Variants in GCN1 observed in about 807,000 individuals in gnomAD.
GCN1 encodes the protein GCN1 activator of EIF2AK4.
GCN1 carries 90 observed loss-of-function variants against 288.4 expected under a neutral mutation model. The observed-to-expected ratio is 0.31, with a 90% confidence interval of 0.26 to 0.37. The LOEUF (loss-of-function observed/expected upper bound fraction) is 0.37. Among genes scored for constraint, GCN1 ranks in the 10% least tolerant of loss-of-function variants. The pLI is 1.00. For missense variants in GCN1, 2,586 were observed against 3,419.9 expected (o/e 0.76, Z 6.08); for synonymous variants, 1,386 against 1,420.2 (o/e 0.98, Z 0.54).
rs765085800 is a variant in GCN1 at position 120,184,913 on chromosome 12, C to T, written c.122-26G>A. On this transcript the variant is annotated intron_variant, in intron 2 of 57. Coordinates refer to ENST00000300648, the MANE Select transcript of GCN1 (RefSeq NM_006836.2). ...CTGAAACCAGAGATTACACAGACAG[C>T]GGTCAATAAAAATCACTTGGTAAGC... The T allele has an allele frequency of 4.8e-5, 74 of 1,552,054 alleles. No individual in the cohort carries two copies. The East Asian group carries it at 9.0e-4, about 19-fold the overall frequency.
chr12:120,186,806 G>A (rs1159281116), intron 2 of GCN1, among the ~76,000 whole-genome samples: 1 of 152,226 alleles, frequency 6.6e-6, no homozygotes, highest in Non-Finnish European at 1.5e-5. Flanking sequence ...AAGTACTACT[G>A]CTATCTCCAT....
In GCN1 at chr12:120,147,209, T is replaced by C; in HGVS notation, c.4790A>G (p.Gln1597Arg). The part of the protein sequence containing the change: ...DPSRKTQKCL[Q>R]TLLDTKFVHF... ...GACAAACTTGGTGTCCAGCAGGGTC[T>C]GCAAGCACTTCTGGGTCTTCCTGGA... Residue 1597 changes from glutamine (Q) to arginine (R), a missense_variant, in exon 38 of 58, where the codon CAG becomes CGG. Gln to Arg is a conservative substitution (Grantham distance 43). Coordinates refer to ENST00000300648, the MANE Select transcript of GCN1 (RefSeq NM_006836.2). The C allele has an allele frequency of 1.9e-6, 3 of 1,613,334 alleles. No individual in the cohort carries two copies. Among genetic ancestry groups the C allele is most frequent in the Non-Finnish European group, 2.5e-6 (3 of 1,179,404 alleles).
intron 45 of GCN1, 32 bp downstream of exon 45, chr12:120,140,827 C>T (rs1376743604): frequency 1.9e-6 from 3 of 1,604,300 alleles, no homozygotes; most frequent in Admixed American, 3.4e-5. Flanking sequence ...GTCTGCAGTG[C>T]ACAGCTGGCG....
intron 2 of GCN1, among the ~76,000 whole-genome samples, chr12:120,188,453 A>AC (rs1391845016): frequency 6.6e-6 from 1 of 151,014 alleles, no homozygotes; most frequent in Non-Finnish European, 1.5e-5. Context: ...AAAAAAAAAA[A>AC]AAAAACCTCT....
intron 36 of GCN1, among the ~76,000 whole-genome samples, chr12:120,148,992 T>G (rs1367265303): frequency 6.6e-6 from 1 of 151,468 alleles, no homozygotes; most frequent in Non-Finnish European, 1.5e-5. Flanking sequence ...GCCTATTTTT[T>G]TTTTTTTTGG....
At position 120,177,427 on chromosome 12, in the gene GCN1, C is replaced by G; in HGVS notation, c.838+20G>C. The stretch of plus-strand genomic sequence containing the variant: ...AGGCAACTCATCTCCCTCCCACCAT[C>G]CTGGTTGACAGCAACCTACTTTCAA... On this transcript the variant is annotated intron_variant, in intron 9 of 57. Transcript: ENST00000300648. 1 of 1,265,442 alleles carries G rather than the reference C, an allele frequency of 7.9e-7. No homozygotes were observed. Among genetic ancestry groups the G allele is most frequent in the Non-Finnish European group, 1.2e-6 (1 of 863,374 alleles). 78.4% of individuals were successfully genotyped at this position (1,265,442 alleles called of 1,614,324 possible). A position where few individuals can be genotyped will look rare whatever the true frequency, so the allele number is the denominator to read the frequency against.
intron 57 of GCN1, 91 bp from the exon 58 acceptor site, chr12:120,128,065 C>T (rs1377886390): frequency 2.1e-6 from 3 of 1,413,306 alleles, no homozygotes; most frequent in African/African-American, 1.4e-5. Flanking sequence ...AATGTTAACC[C>T]CAGAACTAGA....
rs1877008461 is a variant in GCN1, at chr12:120,136,511, C to T, written c.6999G>A (p.Leu2333=). 6.2e-7 allele frequency: 1 copy of T among 1,612,836 alleles called. No individual in the cohort carries two copies. The highest frequency in any genetic ancestry group is 1.3e-5 in the African/African-American group (1 of 74,926). Residue 2333 remains leucine (L), a synonymous_variant, in exon 51 of 58, where the codon TTG becomes TTA. Transcript: ENST00000300648. ...KAALLETLSL[L]LAKVGIALKP... Reference sequence around the variant, plus strand: ...CTCATCAGCCACTCACCTTAGCCAACAAGAGGCTGAGTGTCTCGAGCAGAG... The same window carrying T: ...CTCATCAGCCACTCACCTTAGCCAATAAGAGGCTGAGTGTCTCGAGCAGAG...
chr12:120,136,400 T>A, intron 51 of GCN1, 102 bp downstream of exon 51: 1 of 858,114 alleles, frequency 1.2e-6, no homozygotes, highest in Non-Finnish European at 1.9e-6. Flanking sequence ...TATGCGGCTC[T>A]CCACAATAAA....
At position 120,144,804 on chromosome 12, in the gene GCN1, C is replaced by T. The variant is rs759038443; in HGVS notation, c.5187G>A (p.Val1729=). Residue 1729 remains valine, a synonymous_variant, in exon 41 of 58, where the codon GTG becomes GTA. Transcript: ENST00000300648. This position sits in a 1 kb window ranked among gnomAD's most constrained non-coding sequence, Gnocchi z 4.7. ...GLAEVMAGLG[V]EKLEKLMPEI... is the part of the protein sequence containing the mutation. ...CTGGCATCAACTTCTCCAACTTCTC[C>T]ACCCCCAAACCGGCCATGACCTCAG... 2.5e-6 allele frequency: 4 copies of T among 1,614,176 alleles called. No homozygotes were observed. Among genetic ancestry groups the T allele is most frequent in the South Asian group, 2.2e-5 (2 of 91,086 alleles).
At position 120,153,826 on chromosome 12, in the gene GCN1, G is replaced by T; in HGVS notation, c.3785C>A (p.Pro1262His). 2 of 1,614,064 alleles carry T rather than the reference G, an allele frequency of 1.2e-6. 1 individual carries two copies. Among genetic ancestry groups the T allele is most frequent in the Non-Finnish European group, 1.7e-6 (2 of 1,179,908 alleles). Residue 1262 changes from proline (P) to histidine (H), a missense_variant, in exon 32 of 58, where the codon CCT becomes CAT. Pro to His is a moderately conservative substitution (Grantham distance 77). This residue lies in a region of GCN1 where 332 missense variants were observed against 403.0 expected (regional missense o/e 0.82). Transcript: ENST00000300648. This position sits in a 1 kb window ranked among gnomAD's most constrained non-coding sequence, Gnocchi z 4.4. ...TGGGTGTCGGTCATTGAGGGCATCA[G>T]GGACAAAAAACTGAAAGAGTGGCTT... The part of the protein sequence containing the change: ...QVKPLFQFFV[P>H]DALNDRHPDV...
intron 47 of GCN1, 65 bp from the exon 48 acceptor site, chr12:120,138,109 C>A: frequency 6.8e-7 from 1 of 1,478,272 alleles, no homozygotes; most frequent in Non-Finnish European, 9.3e-7. Context: ...GCTCTGGGAA[C>A]AGACGGGTGG....
chr12:120,183,596 C>T lies in GCN1; in HGVS notation c.399G>A (p.Lys133=). ...LVRIVFPSRA[K]RQGDIWNKLV... ...GTTTGTTCCAGATGTCTCCTTGTCG[C>T]TTGGCTCTCGATGGAAAGACAATGC... Residue 133 remains lysine (K), a synonymous_variant, in exon 5 of 58, where the codon AAG becomes AAA. Coordinates refer to ENST00000300648, the MANE Select transcript of GCN1 (RefSeq NM_006836.2). 6.2e-7 allele frequency: 1 copy of T among 1,612,752 alleles called. No individual in the cohort carries two copies. The highest frequency in any genetic ancestry group is 8.5e-7 in the Non-Finnish European group (1 of 1,178,774).
rs574700516 is a variant in GCN1 at position 120,169,830 on chromosome 12, G to A, written c.1519+339C>T. 6.6e-5 allele frequency among the ~76,000 whole-genome samples: 10 copies of A among 152,300 alleles called. No individual in the cohort carries two copies. In the East Asian group the frequency reaches 1.9e-3, roughly 29 times the overall value. On this transcript the variant is annotated intron_variant, in intron 15 of 57. Coordinates refer to ENST00000300648, the MANE Select transcript of GCN1 (RefSeq NM_006836.2). ...GGCTACGGGAAAAGACAGGGCTAAG[G>A]GGAAGCTTCTCATGTTATATCCTTT...
At position 120,159,916 on chromosome 12, in the gene GCN1, G is replaced by A. The variant is rs1877871895; in HGVS notation, c.2658C>T (p.Pro886=). The A allele has an allele frequency of 6.2e-7, 1 of 1,614,166 alleles. No individual in the cohort carries two copies. Among genetic ancestry groups the A allele is most frequent in the Non-Finnish European group, 8.5e-7 (1 of 1,179,970 alleles). The change falls in exon 24 of 58, where the codon CCC becomes CCT. Residue 886 remains proline, a synonymous_variant. Transcript: ENST00000300648. The part of the protein sequence containing the change: ...YIPVLVDSFL[P]LLKSPLAAPR... ...GAGCAGCCAGGGGAGACTTCAGCAA[G>A]GGCAGAAAAGAGTCGACCAAAACAG...
chr12:120,194,096 G>GC (rs1566324592), intron 1 of GCN1, among the ~76,000 whole-genome samples: 1 of 152,196 alleles, frequency 6.6e-6, no homozygotes, highest in Non-Finnish European at 1.5e-5. Context: ...CATATATCAA[G>GC]CCGTATTTTA....
intron 2 of GCN1, among the ~76,000 whole-genome samples, chr12:120,187,200 T>C (rs1010384570): frequency 1.3e-5 from 2 of 151,216 alleles, no homozygotes; most frequent in Admixed American, 6.6e-5. Context: ...CCAATCTATA[T>C]GGCCATGATT....
At chr12:120,166,948 G>A (rs773649623) in intron 16 of GCN1, among the ~76,000 whole-genome samples, 6 of 151,764 alleles carry the variant, frequency 4.0e-5, no homozygotes, top group African/African-American at 1.2e-4. Flanking sequence ...CAGGGAGGTC[G>A]AGGCTGCAGT....
At position 120,149,577 on chromosome 12, in the gene GCN1, G is replaced by T. The variant is rs747301614; in HGVS notation, c.4546+29C>A. On this transcript the variant is annotated intron_variant, in intron 36 of 57. Transcript: ENST00000300648. ...AGGCTGGTTTTCATAACAGGAAGCT[G>T]GGAAGAGAGGCAGAGCGAGTGGTCT... is the stretch of plus-strand genomic sequence containing the variant. 4.0e-6 allele frequency: 6 copies of T among 1,492,136 alleles called. No individual in the cohort carries two copies. The South Asian group carries it at 6.8e-5, about 17-fold the overall frequency. The allele number at this position is 1,492,136 out of a possible 1,614,324, so 92.4% of individuals were successfully genotyped here.
Sources: gnomAD v4.1 joint callset for allele counts (sites outside exome capture counted in the v4.1 genomes callset) on GRCh38, gnomAD v4.1.1 for gene constraint, gnomAD v4.1.1 regional missense constraint, Gnocchi (gnomAD v3.1) non-coding constraint, MANE v1.5 for transcripts, NCBI Gene and HGNC (gene_info 2026-07-23, HGNC 2026-07-21) for gene names.